SRP19: variants seen among roughly 807,000 people sequenced by gnomAD.
SRP19 encodes the protein signal recognition particle 19.
Under a neutral mutation model 22.4 loss-of-function variants are expected in SRP19, and 11 were observed. The observed-to-expected ratio is 0.49, with a 90% CI of 0.31 to 0.81. The LOEUF is 0.81. Among genes scored for constraint, SRP19 ranks in the 40% least tolerant of loss-of-function variants. SRP19 has a pLI of 0.05. For synonymous variants in SRP19, 61 were observed against 57.6 expected, an observed-to-expected ratio of 1.06 and a Z score of -0.27; for missense variants, 168 against 175.9, an observed-to-expected ratio of 0.96 and a Z score of 0.25.
At position 112,864,651 on chromosome 5, in the gene SRP19, C is replaced by T. The variant is rs977581201; in HGVS notation, c.220C>T (p.Arg74Cys). Reference protein sequence around the residue: ...KNKMYSREWNRDVQYRGRVRV... With the variant: ...KNKMYSREWNCDVQYRGRVRV... ...TAAAATGTACTCTAGAGAATGGAAT[C>T]GTGATGTCCAATACAGAGGCAGAGT... is the stretch of plus-strand genomic sequence containing the variant. The change falls in exon 4 of 5, where the codon CGT becomes TGT. Residue 74 changes from arginine to cysteine, a missense_variant. Physicochemically the swap from Arg to Cys is radical, Grantham distance 180. Coordinates refer to ENST00000505459, the MANE Select transcript of SRP19 (RefSeq NM_003135.3). 5 of 1,613,940 alleles carry T rather than the reference C, an allele frequency of 3.1e-6. No homozygotes were observed. The African/African-American group carries it at 4.0e-5, about 13-fold the overall frequency.
downstream of SRP19, chr5:112,869,913 A>G (rs1246989024): frequency 1.3e-5 from 2 of 152,140 alleles, no homozygotes; most frequent in Non-Finnish European, 2.9e-5. Flanking sequence ...TCAGTTTTGG[A>G]TATTTCTTCA....
chr5:112,877,506 A>G (rs968480216), intron 4 of SRP19: 13 of 152,196 alleles, frequency 8.5e-5, no homozygotes, highest in African/African-American at 2.9e-4. Context: ...TGTACTTACT[A>G]TGTAGTCATG....
chr5:112,897,707 G>A (rs1768733063), downstream of SRP19: 1 of 152,030 alleles, frequency 6.6e-6, no homozygotes, highest in South Asian at 2.1e-4. Flanking sequence ...CTTATCAGCT[G>A]CTTTAGAAAA....
In SRP19 at chr5:112,869,650, G is replaced by C. The variant is rs117547984; in HGVS notation, c.*2113G>C. 1 of 152,348 alleles carries C rather than the reference G, an allele frequency of 6.6e-6. No homozygotes were observed. Among genetic ancestry groups the C allele is most frequent in the East Asian group, 1.9e-4 (1 of 5,188 alleles). The allele number at this position is 152,348 out of a possible 1,614,324, so 9.4% of individuals were successfully genotyped here. A position where few individuals can be genotyped will look rare whatever the true frequency, so the allele number is the denominator to read the frequency against. The stretch of plus-strand genomic sequence containing the variant: ...TAATCCCCAAATCCCTATGTGTTAA[G>C]GGTGGGACCAGGTGGAGATAATTGG... On this transcript the variant is annotated 3_prime_UTR_variant, in exon 5 of 5. Coordinates refer to ENST00000505459, the MANE Select transcript of SRP19 (RefSeq NM_003135.3).
chr5:112,864,508 G>A lies in SRP19; in HGVS notation c.169G>A (p.Gly57Arg). The change falls in exon 3 of 5, where the codon GGA (glycine) becomes AGA (arginine). Residue 57 changes from glycine to arginine, a missense_variant. Gly to Arg is a moderately radical substitution (Grantham distance 125). Coordinates refer to ENST00000505459, the MANE Select transcript of SRP19 (RefSeq NM_003135.3). ...GATTCAAGATGTATGTTCAGCAGTT[G>A]GACTTAACGTATTTCTTGAGGTATG... ...TEIQDVCSAVGLNVFLEKNKM... is the reference protein window; with the variant it reads ...TEIQDVCSAVRLNVFLEKNKM... The A allele has an allele frequency of 6.2e-7, 1 of 1,613,956 alleles. No homozygotes were observed. Among genetic ancestry groups the A allele is most frequent in the Non-Finnish European group, 8.5e-7 (1 of 1,179,978 alleles).
At chr5:112,867,000 TTGA>T (rs1385852053) in intron 4 of SRP19, among the ~76,000 whole-genome samples, 8 of 152,264 alleles carry the variant, frequency 5.3e-5, no homozygotes, top group Admixed American at 4.6e-4. Context: ...CGCTTGTAAC[TTGA>T]TGATACTGTT....
At chr5:112,870,802 A>G (rs1180708419), downstream of SRP19, among the ~76,000 whole-genome samples, 3 of 152,164 alleles carry the variant, frequency 2.0e-5, no homozygotes, top group East Asian at 5.8e-4. Flanking sequence ...ACCTTCCACC[A>G]TGGGATCACA....
intron 1 of SRP19, among the ~76,000 whole-genome samples, chr5:112,862,105 A>G (rs1056195666): frequency 8.5e-5 from 13 of 152,256 alleles, no homozygotes; most frequent in African/African-American, 3.1e-4. Context: ...AACAAAACAC[A>G]CAAAGCAAGG....
chr5:112,878,302 A>G (rs1193376229), intron 4 of SRP19: 1 of 156,000 alleles, frequency 6.4e-6, no homozygotes, highest in Admixed American at 6.3e-5. Flanking sequence ...CCCCATGAGC[A>G]TGATGCATGT....
intron 4 of SRP19, among the ~76,000 whole-genome samples, chr5:112,883,300 CTG>C (rs1363444235): frequency 4.6e-5 from 7 of 152,318 alleles, no homozygotes; most frequent in Admixed American, 1.3e-4. Flanking sequence ...TCCACAAAAT[CTG>C]TGTTATCAAA....
At chr5:112,887,525 AC>A (rs1480433932) in intron 4 of SRP19, among the ~76,000 whole-genome samples, 1 of 152,074 alleles carries the variant, frequency 6.6e-6, no homozygotes, top group Non-Finnish European at 1.5e-5. Flanking sequence ...AAAATATAGT[AC>A]TTATCTGCAT....
chr5:112,877,899 T>TGACA (rs1408137679), intron 4 of SRP19: 4 of 152,118 alleles, frequency 2.6e-5, no homozygotes, highest in Non-Finnish European at 5.9e-5. Context: ...TGTAGCATCT[T>TGACA]GACAATAGAC....
At chr5:112,864,980 C>T (rs888378849) in intron 4 of SRP19, 1 of 309,954 alleles carries the variant, frequency 3.2e-6, no homozygotes, top group Non-Finnish European at 5.9e-6. Flanking sequence ...TTATAAACCT[C>T]TGGAAGTCTG....
At chr5:112,866,242 G>C (rs1398497264) in intron 4 of SRP19, among the ~76,000 whole-genome samples, 2 of 150,982 alleles carry the variant, frequency 1.3e-5, no homozygotes, top group African/African-American at 4.9e-5. Context: ...TCAGCCGTCT[G>C]AGTAGCTGGG....
chr5:112,892,449 C>A (rs1293721963), exon 5 of SRP19: 5 of 1,614,072 alleles, frequency 3.1e-6, no homozygotes, highest in Non-Finnish European at 4.2e-6. Flanking sequence ...TGGAACCTCA[C>A]CTGAGGGGCA....
chr5:112,862,774 G>A (rs565874307), intron 2 of SRP19, among the ~76,000 whole-genome samples, 191 bp downstream of exon 2: 24 of 152,114 alleles, frequency 1.6e-4, no homozygotes, highest in Non-Finnish European at 2.9e-4. Flanking sequence ...CATAGCTGAA[G>A]GGATATTTTT....
downstream of SRP19, among the ~76,000 whole-genome samples, chr5:112,872,420 C>T (rs1170348451): frequency 6.6e-6 from 1 of 151,326 alleles, no homozygotes; most frequent in Non-Finnish European, 1.5e-5. Flanking sequence ...CCTCTGCCTC[C>T]CGGGTTCAAG....
At chr5:112,881,972 A>G (rs1768090899) in intron 4 of SRP19, 1 of 149,780 alleles carries the variant, frequency 6.7e-6, no homozygotes, top group Admixed American at 6.7e-5. Context: ...GGGTTTCACC[A>G]TGTTACTCAG....
At chr5:112,870,001 T>C (rs570537940), downstream of SRP19, among the ~76,000 whole-genome samples, 2 of 152,282 alleles carry the variant, frequency 1.3e-5, no homozygotes, top group African/African-American at 4.8e-5. Flanking sequence ...AACAATAAAA[T>C]AGAACAATTA....
Sources: allele counts gnomAD v4.1 joint callset (sites outside exome capture counted in the v4.1 genomes callset), GRCh38; gene constraint gnomAD v4.1.1; transcripts MANE v1.5; gene names NCBI Gene and HGNC (gene_info 2026-07-23, HGNC 2026-07-21).